CACNA1C: variants seen among roughly 807,000 people sequenced by gnomAD.
The protein encoded by CACNA1C is voltage-dependent L-type calcium channel subunit alpha-1C.
A neutral mutation model predicts 229.0 loss-of-function variants in CACNA1C; 30 were observed. The ratio of observed to expected loss-of-function variants is 0.13; its 90% CI spans 0.10 to 0.18. The LOEUF is 0.18. CACNA1C is among the 10% of genes least tolerant of loss of function. The pLI, the probability that CACNA1C is intolerant of heterozygous loss-of-function variation, is 1.00. For missense variants in CACNA1C, 1,658 were observed against 2,845.0 expected, an observed-to-expected ratio of 0.58 and a Z score of 9.49; for synonymous variants, 1,114 against 1,132.5, an observed-to-expected ratio of 0.98 and a Z score of 0.33.
At chr12:2,580,470 A>T (rs1287502815) in intron 13 of CACNA1C, among the ~76,000 whole-genome samples, 1 of 152,198 alleles carries the variant, frequency 6.6e-6, no homozygotes. Flanking sequence ...GAATCTCTCA[A>T]GGGAGTGACC....
intron 3 of CACNA1C, among the ~76,000 whole-genome samples, chr12:2,376,009 CAG>C (rs773399355): frequency 3.9e-5 from 6 of 152,230 alleles, no homozygotes; most frequent in Non-Finnish European, 5.9e-5. Context: ...CAAATCAAAA[CAG>C]GGGAAGAGGA....
chr12:2,390,841 T>C (rs1451738524), intron 3 of CACNA1C, among the ~76,000 whole-genome samples: 1 of 152,174 alleles, frequency 6.6e-6, no homozygotes, highest in Non-Finnish European at 1.5e-5. Context: ...TGTGATCTCT[T>C]TTTGCGTGAG....
intron 1 of CACNA1C, among the ~76,000 whole-genome samples, chr12:2,068,109 C>T (rs2154522021): frequency 6.6e-6 from 1 of 152,282 alleles, no homozygotes; most frequent in East Asian, 1.9e-4. Context: ...CTTTACAATG[C>T]CTTGATTTCC....
chr12:2,291,405 T>C (rs918296184), intron 3 of CACNA1C, among the ~76,000 whole-genome samples: 29 of 152,238 alleles, frequency 1.9e-4, no homozygotes, highest in African/African-American at 7.0e-4. Context: ...TTCTTAGAAC[T>C]ACACACTCTC....
chr12:2,005,994 A>C (rs1008414164), intron 1 of CACNA1C, among the ~76,000 whole-genome samples: 4 of 152,222 alleles, frequency 2.6e-5, no homozygotes, highest in African/African-American at 7.2e-5. Flanking sequence ...GAGTTTCTTC[A>C]TATACTCCAA....
chr12:2,461,682 A>C (rs992632364), intron 5 of CACNA1C, among the ~76,000 whole-genome samples: 1 of 152,174 alleles, frequency 6.6e-6, no homozygotes, highest in Non-Finnish European at 1.5e-5. Flanking sequence ...TCAGCTTGGT[A>C]AATGCTAGCC....
chr12:2,571,597 T>A (rs868385997), intron 13 of CACNA1C, among the ~76,000 whole-genome samples: 4 of 152,222 alleles, frequency 2.6e-5, no homozygotes, highest in Admixed American at 6.5e-5. Context: ...AAACCATTTT[T>A]AAAAATCTAT....
chr12:2,506,962 A>G (rs11062247), intron 8 of CACNA1C, among the ~76,000 whole-genome samples: 40,473 of 152,102 alleles, frequency 0.27, 7,019 homozygotes, highest in African/African-American at 0.49. Context: ...AGTGACAGAA[A>G]CTGCTGATGT....
intron 3 of CACNA1C, among the ~76,000 whole-genome samples, chr12:2,195,789 G>A (rs2097382422): frequency 6.6e-6 from 1 of 152,234 alleles, no homozygotes; most frequent in Non-Finnish European, 1.5e-5. Context: ...AAACCGGGAA[G>A]GGGCTTCCCC....
chr12:2,061,205 C>T (rs73046455), intron 1 of CACNA1C, among the ~76,000 whole-genome samples: 8,082 of 151,564 alleles, frequency 0.053, 301 homozygotes, highest in Middle Eastern at 0.095. Flanking sequence ...TGTGAGGATC[C>T]AAATAGGAGA....
chr12:2,129,739 G>A (rs1378749796), intron 3 of CACNA1C, among the ~76,000 whole-genome samples: 1 of 152,150 alleles, frequency 6.6e-6, no homozygotes. Context: ...TAAGCAACCC[G>A]CACAGGGTCC....
intron 1 of CACNA1C, among the ~76,000 whole-genome samples, chr12:1,976,515 C>T (rs1463172889): frequency 2.0e-5 from 3 of 152,110 alleles, no homozygotes; most frequent in Non-Finnish European, 2.9e-5. Context: ...TCAAATTCCT[C>T]GGCTCCCATT....
chr12:2,585,616 A>C lies in CACNA1C; in HGVS notation c.2460+120A>C. On this transcript the variant is annotated intron_variant, in intron 17 of 46. Transcript: ENST00000399655. This position sits in a 1 kb window ranked among gnomAD's most constrained non-coding sequence, Gnocchi z 4.1. ...GAAAGAAAGACACCCAGTGGAAAGA[A>C]AGCCAGTGGGGATGAACAGGAGAGC... 8.1e-7 allele frequency: 1 copy of C among 1,241,186 alleles called. No homozygotes were observed. Among genetic ancestry groups the C allele is most frequent in the Non-Finnish European group, 1.1e-6 (1 of 904,310 alleles). The allele number at this position is 1,241,186 out of a possible 1,614,324, so 76.9% of individuals were successfully genotyped here.
intron 3 of CACNA1C, among the ~76,000 whole-genome samples, chr12:2,123,679 T>G (rs1203259148): frequency 6.6e-6 from 1 of 152,224 alleles, no homozygotes; most frequent in Non-Finnish European, 1.5e-5. Context: ...TTGCTGGCCT[T>G]GCTGTCACAT....
intron 10 of CACNA1C, among the ~76,000 whole-genome samples, chr12:2,552,187 A>G (rs1568380167): frequency 6.6e-6 from 1 of 152,246 alleles, no homozygotes; most frequent in African/African-American, 2.4e-5. Flanking sequence ...TTATCCATGC[A>G]TTCGTTCAAC....
At position 2,597,681 on chromosome 12, in the gene CACNA1C, C is replaced by A. The variant is rs1345592481; in HGVS notation, c.2853+392C>A. Among the ~76,000 whole-genome samples, 2 of 152,310 alleles carry A rather than the reference C, an allele frequency of 1.3e-5. No individual in the cohort carries two copies. Among genetic ancestry groups the A allele is most frequent in the East Asian group, 3.9e-4 (2 of 5,186 alleles). ...TTTGCCCAGACTTAGAAGCCAGGAG[C>A]AGCCTACCCCACCACAGCTCCTCCC... On this transcript the variant is annotated intron_variant, in intron 21 of 46. Coordinates refer to ENST00000399655, the MANE Select transcript of CACNA1C (RefSeq NM_000719.7). This position sits in a 1 kb window ranked among gnomAD's most constrained non-coding sequence, Gnocchi z 4.3.
At chr12:2,230,274 G>C (rs1786367432) in intron 3 of CACNA1C, among the ~76,000 whole-genome samples, 2 of 152,306 alleles carry the variant, frequency 1.3e-5, no homozygotes, top group Middle Eastern at 6.8e-3. Context: ...ATGGGTGTAC[G>C]TGGGGACGGC....
intron 3 of CACNA1C, among the ~76,000 whole-genome samples, chr12:2,387,882 C>G (rs997947607): frequency 6.6e-6 from 1 of 152,150 alleles, no homozygotes; most frequent in African/African-American, 2.4e-5. Flanking sequence ...ATCCTAGGAG[C>G]AGTGAAACCC....
At chr12:2,634,717 T>G (rs2092139257) in intron 30 of CACNA1C, among the ~76,000 whole-genome samples, 1 of 152,076 alleles carries the variant, frequency 6.6e-6, no homozygotes, top group Non-Finnish European at 1.5e-5. Flanking sequence ...TGAGGGGATG[T>G]TTGCCACTCT....
Sources: gnomAD v4.1 joint callset for allele counts (sites outside exome capture counted in the v4.1 genomes callset) on GRCh38, gnomAD v4.1.1 for gene constraint, Gnocchi (gnomAD v3.1) non-coding constraint, MANE v1.5 for transcripts, NCBI Gene and HGNC (gene_info 2026-07-23, HGNC 2026-07-21) for gene names.